Variants in MTRF1L observed in about 807,000 individuals in gnomAD.
MTRF1L encodes mitochondrial translation release factor 1 like.
A neutral mutation model predicts 40.0 loss-of-function variants in MTRF1L; 29 were observed. The observed-to-expected ratio is 0.73, with a 90% CI of 0.54 to 0.99. The LOEUF is 0.99. Ranked by LOEUF, MTRF1L falls within the 50% of genes least tolerant of loss-of-function variation. The pLI, the probability that MTRF1L is intolerant of heterozygous loss-of-function variation, is 0.00. For missense variants in MTRF1L, 412 were observed against 464.5 expected (o/e 0.89, Z 1.04); for synonymous variants, 150 against 175.8 (o/e 0.85, Z 1.16).
In MTRF1L at chr6:152,999,041, TAA is replaced by T. The variant is rs377012204; in HGVS notation, c.260-414_260-413del. Among the ~76,000 whole-genome samples, 81 of 152,290 alleles carry T rather than the reference TAA, an allele frequency of 5.3e-4. No individual in the cohort carries two copies. The East Asian group carries it at 0.014, about 27-fold the overall frequency. On this transcript the variant is annotated intron_variant, in intron 1 of 6. Coordinates refer to ENST00000367233, the MANE Select transcript of MTRF1L (RefSeq NM_019041.7). ...ATACAGAAGGTTACACCAGTAAAAC[TAA>T]AATTCAATTAAAAAGTAGAAATTTA...
In MTRF1L at chr6:152,989,791, T is replaced by C. The variant is rs995006576; in HGVS notation, c.*104A>G. 67 of 1,328,770 alleles carry C rather than the reference T, an allele frequency of 5.0e-5. 1 individual carries two copies. Among genetic ancestry groups the C allele is most frequent in the Non-Finnish European group, 5.8e-5 (58 of 995,404 alleles). The allele number at this position is 1,328,770 out of a possible 1,614,324, so 82.3% of individuals were successfully genotyped here. On this transcript the variant is annotated 3_prime_UTR_variant, in exon 7 of 7. Coordinates refer to ENST00000367233, the MANE Select transcript of MTRF1L (RefSeq NM_019041.7). ...TCAGAATATGCATATTACCTCCAACTGTGTTAACTCAACGTTTTTCAAGAG... is the reference window on the plus strand; with the variant it reads ...TCAGAATATGCATATTACCTCCAACCGTGTTAACTCAACGTTTTTCAAGAG...
intron 2 of MTRF1L, among the ~76,000 whole-genome samples, chr6:152,997,306 T>C (rs1348905364): frequency 6.6e-6 from 1 of 152,162 alleles, no homozygotes; most frequent in Non-Finnish European, 1.5e-5. Flanking sequence ...ACCACAGACA[T>C]CTCAACTGGT....
chr6:152,994,443 T>C (rs544807555), intron 4 of MTRF1L, 70 bp downstream of exon 4: 1 of 1,447,496 alleles, frequency 6.9e-7, no homozygotes, highest in African/African-American at 1.4e-5. Context: ...CAGTAAACTC[T>C]GAATGTTAAC....
chr6:153,000,969 G>T (rs567620111), intron 1 of MTRF1L, among the ~76,000 whole-genome samples: 1 of 150,062 alleles, frequency 6.7e-6, no homozygotes, highest in East Asian at 2.0e-4. Flanking sequence ...CACCTCCCGG[G>T]TTCAAGCGAT....
intron 2 of MTRF1L, among the ~76,000 whole-genome samples, chr6:152,996,838 C>T (rs566405636): frequency 1.3e-5 from 2 of 152,248 alleles, no homozygotes; most frequent in South Asian, 4.1e-4. Flanking sequence ...ATAAGTATTC[C>T]TGGCCCTGAG....
chr6:152,993,753 C>T (rs1055219157), intron 4 of MTRF1L, among the ~76,000 whole-genome samples: 2 of 152,160 alleles, frequency 1.3e-5, no homozygotes, highest in African/African-American at 4.8e-5. Context: ...AGATGTGGCT[C>T]TTGCCATTTA....
intron 1 of MTRF1L, among the ~76,000 whole-genome samples, chr6:153,001,438 A>G (rs1778913394): frequency 6.6e-6 from 1 of 152,096 alleles, no homozygotes; most frequent in Non-Finnish European, 1.5e-5. Context: ...TTTGGGCTCA[A>G]TTTTTCTCCT....
At chr6:152,992,474 A>T (rs972193529) in intron 5 of MTRF1L, among the ~76,000 whole-genome samples, 2 of 152,110 alleles carry the variant, frequency 1.3e-5, no homozygotes, top group Non-Finnish European at 2.9e-5. Context: ...TTTTTAAAGG[A>T]AGCCATGTTC....
chr6:152,998,404 A>G, intron 2 of MTRF1L, 146 bp downstream of exon 2: 3 of 531,126 alleles, frequency 5.6e-6, no homozygotes, highest in Non-Finnish European at 9.3e-6. Flanking sequence ...GGGTCAATTT[A>G]TACCTCAATA....
In MTRF1L at chr6:153,001,392, C is replaced by G. The variant is rs573566192; in HGVS notation, c.259+1035G>C. On this transcript the variant is annotated intron_variant, in intron 1 of 6. Transcript: ENST00000367233. ...CATCTACTTCTAAGGTTTAATTTAC[C>G]ACGTACTGTATATCTCGAGAGCTCT... Among the ~76,000 whole-genome samples, 4 of 152,218 alleles carry G rather than the reference C, an allele frequency of 2.6e-5. No homozygotes were observed. In the East Asian group the frequency reaches 7.7e-4, roughly 29 times the overall value.
chr6:153,002,406 T>TC, intron 1 of MTRF1L, 21 bp downstream of exon 1: 2 of 1,613,836 alleles, frequency 1.2e-6, no homozygotes, highest in Non-Finnish European at 1.7e-6. Context: ...CTGACGCCTC[T>TC]CCCCCGGGCC....
chr6:153,000,870 T>A (rs1778891170), intron 1 of MTRF1L, among the ~76,000 whole-genome samples: 2 of 25,532 alleles, frequency 7.8e-5, no homozygotes, highest in Admixed American at 6.2e-4. Flanking sequence ...ACTACGGATT[T>A]TTTTTTTTTT....
At position 152,998,634 on chromosome 6, in the gene MTRF1L, G is replaced by GA. The variant is rs750386363; in HGVS notation, c.260-6dup. The GA allele has an allele frequency of 1.1e-5, 18 of 1,576,766 alleles. No individual in the cohort carries two copies. The Admixed American group carries it at 1.2e-4, about 10-fold the overall frequency. The stretch of plus-strand genomic sequence containing the variant: ...TCCTTAAATCTTCATTCTCATCTAG[G>GA]AAAAAAAGGGCAGAAGTTAAGGTTT... On this transcript the variant is annotated splice_region_variant and splice_polypyrimidine_tract_variant and intron_variant, in intron 1 of 6. Transcript: ENST00000367233.
intron 1 of MTRF1L, among the ~76,000 whole-genome samples, chr6:153,000,490 ATAC>A (rs1313409005): frequency 6.6e-6 from 1 of 152,182 alleles, no homozygotes; most frequent in Admixed American, 6.5e-5. Flanking sequence ...CAATGGTAAT[ATAC>A]TACTTCTTTA....
In MTRF1L at chr6:152,991,301, G is replaced by C; in HGVS notation, c.826C>G (p.Gln276Glu). 1 of 1,597,028 alleles carries C rather than the reference G, an allele frequency of 6.3e-7. No homozygotes were observed. Among genetic ancestry groups the C allele is most frequent in the Middle Eastern group, 2.2e-4 (1 of 4,644 alleles). ...LPTGVVSECQQERSQLKNKEL... is the reference protein window; with the variant it reads ...LPTGVVSECQEERSQLKNKEL... ...TTATTTTTCAGCTGAGATCTCTCTT[G>C]TTGACATTCAGAAACAACACCTGAA... is the stretch of plus-strand genomic sequence containing the variant. Residue 276 changes from glutamine (Q) to glutamate (E), a missense_variant, in exon 6 of 7, where the codon CAA becomes GAA. Gln to Glu is a conservative substitution (Grantham distance 29, BLOSUM62 2). Transcript: ENST00000367233.
chr6:152,993,037 C>A, intron 4 of MTRF1L, 63 bp from the exon 5 acceptor site: 1 of 1,246,846 alleles, frequency 8.0e-7, no homozygotes, highest in Non-Finnish European at 1.2e-6. Flanking sequence ...AAGGCAAGAG[C>A]GACCCATTTA....
intron 2 of MTRF1L, among the ~76,000 whole-genome samples, chr6:152,995,753 T>C (rs1778693727): frequency 6.6e-6 from 1 of 152,226 alleles, no homozygotes; most frequent in Non-Finnish European, 1.5e-5. Flanking sequence ...TGTATTATTT[T>C]AAGATTTCTT....
At position 152,988,535 on chromosome 6, in the gene MTRF1L, G is replaced by A. The variant is rs1382783666; in HGVS notation, c.*1360C>T. The A allele has an allele frequency of 7.4e-5, 3 of 40,552 alleles. No individual in the cohort carries two copies. In the African/African-American group the frequency reaches 8.1e-4, roughly 11 times the overall value. The allele number at this position is 40,552 out of a possible 1,614,324, so 2.5% of individuals were successfully genotyped here. A position where few individuals can be genotyped will look rare whatever the true frequency, so the allele number is the denominator to read the frequency against. ...TCATACTTTTTTTTTTTTTTTTTTT[G>A]AGATTTAACTTTTGCTCTGATTTTC... On this transcript the variant is annotated 3_prime_UTR_variant, in exon 7 of 7. Coordinates refer to ENST00000367233, the MANE Select transcript of MTRF1L (RefSeq NM_019041.7).
In MTRF1L at chr6:153,000,369, T is replaced by TA. The variant is rs548605644; in HGVS notation, c.260-1741dup. On this transcript the variant is annotated intron_variant, in intron 1 of 6. Transcript: ENST00000367233. ...TTGAAATCTATATGTATTTTACACT[T>TA]ACACACCTCAATTCAGACTAGCCAC... Among the ~76,000 whole-genome samples, 838 of 152,350 alleles carry TA rather than the reference T, an allele frequency of 5.5e-3. 11 individuals are homozygous for TA. Among genetic ancestry groups the TA allele is most frequent in the Non-Finnish European group, 8.9e-3 (603 of 68,030 alleles).
Sources: gnomAD v4.1 joint callset for allele counts (sites outside exome capture counted in the v4.1 genomes callset) on GRCh38, gnomAD v4.1.1 for gene constraint, MANE v1.5 for transcripts, NCBI Gene and HGNC (gene_info 2026-07-23, HGNC 2026-07-21) for gene names.